The following RHD variants were observed in gnomAD, a reference collection of about 807,000 sequenced individuals.
RHD encodes the protein blood group Rh(D) polypeptide.
A neutral mutation model predicts 45.5 loss-of-function variants in RHD; 16 were observed. That is an observed-to-expected ratio of 0.35 (90% confidence interval 0.24 to 0.53). The LOEUF (loss-of-function observed/expected upper bound fraction) is 0.53, where lower values mean the gene tolerates loss of function less well. RHD is among the 20% of genes least tolerant of loss of function. RHD has a pLI of 0.92. For synonymous variants in RHD, 131 were observed against 217.5 expected (o/e 0.60, Z 3.50); for missense variants, 306 against 532.0 (o/e 0.58, Z 4.18).
chr1:25,277,277 T>C (rs1191815761), intron 1 of RHD, among the ~76,000 whole-genome samples: 1 of 129,458 alleles, frequency 7.7e-6, no homozygotes, highest in South Asian at 2.4e-4. Context: ...TTTGCAGAAT[T>C]GAAAACTTCA....
rs758564742 is a variant in RHD, at chr1:25,272,747, C to T, written c.148+52C>T. ...CAGGAGCAAATAGCAGGGGCAGGGG[C>T]GGGGGAGGCCTGTGGTTCTCCAGGG... On this transcript the variant is annotated intron_variant, in intron 1 of 9. Transcript: ENST00000328664. 4.4e-5 allele frequency: 61 copies of T among 1,371,000 alleles called. 14 individuals are homozygous for T. The highest frequency in any genetic ancestry group is 5.4e-5 in the Non-Finnish European group (53 of 973,184). 84.9% of individuals were successfully genotyped at this position (1,371,000 alleles called of 1,614,324 possible). A position where few individuals can be genotyped will look rare whatever the true frequency, so the allele number is the denominator to read the frequency against.
At chr1:25,273,120 T>C (rs1571559276) in intron 1 of RHD, among the ~76,000 whole-genome samples, 1 of 130,516 alleles carries the variant, frequency 7.7e-6, no homozygotes, top group South Asian at 2.4e-4. Context: ...TTGTTTCCTT[T>C]TTGTGGCCTC....
chr1:25,299,922 G>T (rs1643254339), intron 3 of RHD, among the ~76,000 whole-genome samples: 1 of 130,426 alleles, frequency 7.7e-6, no homozygotes, highest in South Asian at 2.3e-4. Context: ...GCTAATTTTT[G>T]TATTTTTAGT....
chr1:25,301,847 T>G (rs1643415625), intron 5 of RHD, among the ~76,000 whole-genome samples, 161 bp downstream of exon 5: 1 of 131,768 alleles, frequency 7.6e-6, no homozygotes, highest in African/African-American at 2.6e-5. Flanking sequence ...GAATGCTGGG[T>G]GGTCACAGTG....
intron 3 of RHD, among the ~76,000 whole-genome samples, chr1:25,298,602 C>G (rs553025760): frequency 1.5e-5 from 2 of 131,570 alleles, no homozygotes; most frequent in African/African-American, 5.2e-5. Flanking sequence ...AACACAAGCC[C>G]GCTTTTCAGT....
At chr1:25,307,622 A>C in intron 7 of RHD, 1 of 1,005,506 alleles carries the variant, frequency 9.9e-7, no homozygotes, top group African/African-American at 1.5e-5. Context: ...AAGAAATGAG[A>C]TTTAAGAGAA....
At chr1:25,280,336 C>T (rs1419771903) in intron 1 of RHD, among the ~76,000 whole-genome samples, 1 of 121,750 alleles carries the variant, frequency 8.2e-6, no homozygotes, top group Admixed American at 8.0e-5. Context: ...GCTGCAGTCT[C>T]ACTCTGTCAT....
At position 25,303,476 on chromosome 1, in the gene RHD, C is replaced by T; in HGVS notation, c.939+17C>T. On this transcript the variant is annotated intron_variant, in intron 6 of 9. Transcript: ENST00000328664. ...TACCTGCCGGTAAGAAACTAGACAA[C>T]TAACCTCCTCTGCTTTGGCTGAAGG... 2 of 1,378,864 alleles carry T rather than the reference C, an allele frequency of 1.5e-6. No individual in the cohort carries two copies. The highest frequency in any genetic ancestry group is 4.5e-5 in the East Asian group (2 of 44,636). 85.4% of individuals were successfully genotyped at this position (1,378,864 alleles called of 1,614,324 possible). A position where few individuals can be genotyped will look rare whatever the true frequency, so the allele number is the denominator to read the frequency against.
At chr1:25,314,205 T>A (rs1243579799) in intron 7 of RHD, among the ~76,000 whole-genome samples, 1 of 133,070 alleles carries the variant, frequency 7.5e-6, no homozygotes, top group Non-Finnish European at 1.8e-5. Flanking sequence ...TCACCAGTAG[T>A]GTATAGAAGC....
At chr1:25,318,833 A>T (rs1644550306) in intron 8 of RHD, among the ~76,000 whole-genome samples, 1 of 132,524 alleles carries the variant, frequency 7.5e-6, no homozygotes, top group Admixed American at 7.3e-5. Flanking sequence ...GCTTCCTTCC[A>T]GCTTTAACAA....
chr1:25,285,871 G>T (rs1314012019), intron 2 of RHD, among the ~76,000 whole-genome samples: 2 of 134,748 alleles, frequency 1.5e-5, no homozygotes, highest in African/African-American at 5.2e-5. Flanking sequence ...GGCCATTCCA[G>T]CCTCCCCTTC....
chr1:25,322,269 C>T (rs640810), intron 9 of RHD, among the ~76,000 whole-genome samples: 5 of 132,556 alleles, frequency 3.8e-5, no homozygotes, highest in African/African-American at 1.0e-4. Context: ...GCCAAATAGT[C>T]TGACATGCGG....
rs187593219 is a variant in RHD, at chr1:25,307,775, A to G, written c.1073+1046A>G. On this transcript the variant is annotated intron_variant, in intron 7 of 9. Transcript: ENST00000328664. ...ACCGGTTCTTGGATGCCTTCTACAG[A>G]GACAACCATAGCCCCAAATTATAGG... is the stretch of plus-strand genomic sequence containing the variant. 76 of 1,303,108 alleles carry G rather than the reference A, an allele frequency of 5.8e-5. 8 individuals are homozygous for G. In the Admixed American group the frequency reaches 1.5e-3, roughly 26 times the overall value. The allele number at this position is 1,303,108 out of a possible 1,614,324, so 80.7% of individuals were successfully genotyped here.
rs1372176546 is a variant in RHD at position 25,290,848 on chromosome 1, G to C, written c.486+57G>C. On this transcript the variant is annotated intron_variant, in intron 3 of 9. Coordinates refer to ENST00000328664, the MANE Select transcript of RHD (RefSeq NM_016124.6). ...GAGAAAAGGGCCAAAAGCTCCATTT[G>C]GTGGGGTTTCCAGGGTTTTGAAAAA... The C allele has an allele frequency of 6.7e-6, 9 of 1,352,578 alleles. 3 individuals carry two copies. The highest frequency in any genetic ancestry group is 9.4e-6 in the Non-Finnish European group (9 of 955,868). 83.8% of individuals were successfully genotyped at this position (1,352,578 alleles called of 1,614,324 possible).
chr1:25,301,197 G>A lies in RHD; in HGVS notation c.634+104G>A. 7 of 1,072,702 alleles carry A rather than the reference G, an allele frequency of 6.5e-6. 1 individual carries two copies. The highest frequency in any genetic ancestry group is 6.4e-5 in the South Asian group (5 of 78,546). The allele number at this position is 1,072,702 out of a possible 1,614,324, so 66.4% of individuals were successfully genotyped here. A position where few individuals can be genotyped will look rare whatever the true frequency, so the allele number is the denominator to read the frequency against. On this transcript the variant is annotated intron_variant, in intron 4 of 9. Coordinates refer to ENST00000328664, the MANE Select transcript of RHD (RefSeq NM_016124.6). The stretch of plus-strand genomic sequence containing the variant: ...TCCCTCCTTTACCAAGTTCCCCTGG[G>A]TGTCTGAAGCCCTTCCATCATGATT...
intron 7 of RHD, among the ~76,000 whole-genome samples, chr1:25,311,415 C>T (rs1644140617): frequency 7.6e-6 from 1 of 130,744 alleles, no homozygotes; most frequent in African/African-American, 2.6e-5. Context: ...TTCCCAGCTA[C>T]CTGGGAGGCT....
In RHD at chr1:25,301,525, C is replaced by T. The variant is rs138176025; in HGVS notation, c.640C>T (p.Leu214Phe). ...CCACCCTCTCTGGCCCCCAGGCGCC[C>T]TCTTCTTGTGGATGTTCTGGCCAAG... ...IPSLSAMLGA[L>F]FLWMFWPSFN... The change falls in exon 5 of 10, where the codon CTC becomes TTC. Residue 214 changes from leucine to phenylalanine, a missense_variant. Physicochemically the swap from Leu to Phe is conservative, Grantham distance 22 (BLOSUM62 0). Transcript: ENST00000328664. The T allele has an allele frequency of 8.7e-6, 12 of 1,378,316 alleles. 3 individuals are homozygous for T. Among genetic ancestry groups the T allele is most frequent in the Non-Finnish European group, 1.2e-5 (12 of 978,712 alleles). 85.4% of individuals were successfully genotyped at this position (1,378,316 alleles called of 1,614,324 possible). A position where few individuals can be genotyped will look rare whatever the true frequency, so the allele number is the denominator to read the frequency against.
rs1473310680 is a variant in RHD, at chr1:25,321,083, G to A, written c.1154-806G>A. ...AAATCAAAGACACTTAAAAAGATGG[G>A]GAAAAGGAAGGACAGGCACTTAAGC... On this transcript the variant is annotated intron_variant, in intron 8 of 9. Coordinates refer to ENST00000328664, the MANE Select transcript of RHD (RefSeq NM_016124.6). Among the ~76,000 whole-genome samples the A allele has an allele frequency of 1.5e-4, 19 of 130,280 alleles. 4 individuals carry two copies. The highest frequency in any genetic ancestry group is 1.4e-3 in the Admixed American group (19 of 13,236). The allele number at this position is 130,280 out of a possible 152,430, so 85.5% of individuals were successfully genotyped here.
At chr1:25,300,145 G>T (rs1301171380) in intron 3 of RHD, among the ~76,000 whole-genome samples, 3 of 131,352 alleles carry the variant, frequency 2.3e-5, no homozygotes, top group African/African-American at 5.2e-5. Flanking sequence ...TTAAAATTCC[G>T]CTGAGAAGTA....
Sources: allele counts gnomAD v4.1 joint callset (sites outside exome capture counted in the v4.1 genomes callset), GRCh38; gene constraint gnomAD v4.1.1; transcripts MANE v1.5; gene names NCBI Gene and HGNC (gene_info 2026-07-23, HGNC 2026-07-21).